SUMF1: variants seen among roughly 807,000 people sequenced by gnomAD.
SUMF1 encodes sulfatase modifying factor 1, also known as formylglycine-generating enzyme.
A neutral mutation model predicts 47.6 loss-of-function variants in SUMF1; 48 were observed. That is an observed-to-expected ratio of 1.01 (90% confidence interval 0.80 to 1.28). SUMF1 has a LOEUF of 1.28. Ranked by LOEUF, SUMF1 falls within the 50% of genes most tolerant of loss-of-function variation. The pLI, the probability that SUMF1 is intolerant of heterozygous loss-of-function variation, is 0.00. For missense variants in SUMF1, 571 were observed against 485.4 expected (o/e 1.18, Z -1.66); for synonymous variants, 230 against 192.1 (o/e 1.20, Z -1.63).
intron 8 of SUMF1, among the ~76,000 whole-genome samples, chr3:4,117,509 T>C (rs1386752514): frequency 6.6e-6 from 1 of 152,090 alleles, no homozygotes; most frequent in Non-Finnish European, 1.5e-5. Flanking sequence ...CTCTTCCTTT[T>C]TCGGAGGGGA....
chr3:4,075,291 G>A (rs112569313), intron 8 of SUMF1, among the ~76,000 whole-genome samples: 1 of 151,936 alleles, frequency 6.6e-6, no homozygotes, highest in East Asian at 1.9e-4. Flanking sequence ...AAATTCAACA[G>A]CCCTTCATGC....
chr3:4,276,435 T>G (rs1697418906), intron 8 of SUMF1, among the ~76,000 whole-genome samples: 1 of 152,200 alleles, frequency 6.6e-6, no homozygotes, highest in Admixed American at 6.5e-5. Context: ...CAGCAGAATA[T>G]TCCAATACTC....
chr3:4,313,459 A>T (rs201713979), intron 8 of SUMF1: 1 of 1,614,034 alleles, frequency 6.2e-7, no homozygotes, highest in South Asian at 1.1e-5. Flanking sequence ...AATTGACTCA[A>T]TGGTACCTAA....
chr3:4,398,428 A>T (rs911872221), intron 7 of SUMF1, among the ~76,000 whole-genome samples: 1 of 152,158 alleles, frequency 6.6e-6, no homozygotes, highest in African/African-American at 2.4e-5. Context: ...ATTTGGTAAC[A>T]AAAAAAGATA....
chr3:4,458,015 A>G (rs1243782848), intron 1 of SUMF1, among the ~76,000 whole-genome samples: 1 of 152,220 alleles, frequency 6.6e-6, no homozygotes, highest in South Asian at 2.1e-4. Context: ...TTCAAAATAT[A>G]TAAGGAATTC....
chr3:4,173,653 G>C (rs1200165233), intron 8 of SUMF1, among the ~76,000 whole-genome samples: 2 of 152,102 alleles, frequency 1.3e-5, no homozygotes, highest in South Asian at 2.1e-4. Flanking sequence ...TGATAGACTG[G>C]ATTAAAAAAA....
At chr3:4,092,180 T>C (rs971586373) in intron 8 of SUMF1, among the ~76,000 whole-genome samples, 16 of 152,034 alleles carry the variant, frequency 1.1e-4, no homozygotes, top group Non-Finnish European at 5.9e-5. Flanking sequence ...ACTATCATAA[T>C]CTCCTCTGAC....
intron 7 of SUMF1, among the ~76,000 whole-genome samples, chr3:4,386,863 G>GT (rs370884434): frequency 0.033 from 4,813 of 146,208 alleles, 113 homozygotes; most frequent in Non-Finnish European, 0.049. Context: ...TAATCATGTG[G>GT]TTTTTTTTTT....
At chr3:4,277,437 C>T (rs1015991917) in intron 8 of SUMF1, among the ~76,000 whole-genome samples, 2 of 151,856 alleles carry the variant, frequency 1.3e-5, no homozygotes, top group Non-Finnish European at 2.9e-5. Flanking sequence ...CAGGACAGTA[C>T]AAGAAAATGA....
chr3:4,183,006 T>A (rs542651116), intron 8 of SUMF1, among the ~76,000 whole-genome samples: 1 of 152,056 alleles, frequency 6.6e-6, no homozygotes, highest in South Asian at 2.1e-4. Flanking sequence ...GGCTTGAGGG[T>A]TTAATGTGTG....
intron 8 of SUMF1, among the ~76,000 whole-genome samples, chr3:4,282,359 T>A (rs1289852206): frequency 1.3e-5 from 2 of 152,224 alleles, no homozygotes; most frequent in Non-Finnish European, 2.9e-5. Flanking sequence ...TTTTGCCTTT[T>A]AAAGGGAAGA....
chr3:4,386,859 T>A (rs116474180), intron 7 of SUMF1, among the ~76,000 whole-genome samples: 4 of 151,604 alleles, frequency 2.6e-5, no homozygotes, highest in African/African-American at 9.7e-5. Flanking sequence ...GATATAATCA[T>A]GTGGTTTTTT....
intron 8 of SUMF1, among the ~76,000 whole-genome samples, chr3:4,148,076 G>C (rs1253998615): frequency 6.6e-6 from 1 of 152,130 alleles, no homozygotes; most frequent in Non-Finnish European, 1.5e-5. Flanking sequence ...TCACAATGTT[G>C]AATATCAGCA....
At chr3:4,460,433 T>C (rs2079779921) in intron 1 of SUMF1, among the ~76,000 whole-genome samples, 1 of 152,048 alleles carries the variant, frequency 6.6e-6, no homozygotes, top group South Asian at 2.1e-4. Flanking sequence ...ATAACATATA[T>C]AAACATCAGA....
At chr3:4,130,239 G>A (rs1232497057) in intron 8 of SUMF1, among the ~76,000 whole-genome samples, 1 of 152,162 alleles carries the variant, frequency 6.6e-6, no homozygotes, top group Non-Finnish European at 1.5e-5. Context: ...TGTACCAGAT[G>A]TGATTTCATT....
At chr3:4,282,774 A>G (rs1697555687) in intron 8 of SUMF1, among the ~76,000 whole-genome samples, 1 of 152,214 alleles carries the variant, frequency 6.6e-6, no homozygotes, top group African/African-American at 2.4e-5. Flanking sequence ...TCCTGCGTCA[A>G]TCACATGTTC....
intron 9 of SUMF1, among the ~76,000 whole-genome samples, chr3:4,035,818 A>G (rs1694782749): frequency 6.6e-6 from 1 of 152,212 alleles, no homozygotes; most frequent in Non-Finnish European, 1.5e-5. Flanking sequence ...TGTCTGGTGC[A>G]TAATGCGGTC....
At chr3:4,411,985 C>G (rs1701558273) in intron 6 of SUMF1, among the ~76,000 whole-genome samples, 1 of 152,140 alleles carries the variant, frequency 6.6e-6, no homozygotes, top group African/African-American at 2.4e-5. Flanking sequence ...GGTTTCACAT[C>G]TACCCATGAA....
intron 8 of SUMF1, among the ~76,000 whole-genome samples, chr3:4,142,247 C>G (rs758937973): frequency 1.3e-5 from 2 of 152,206 alleles, no homozygotes; most frequent in East Asian, 1.9e-4. Context: ...AAAAAAATGG[C>G]ATTATCAGCT....
Sources: allele counts gnomAD v4.1 joint callset (sites outside exome capture counted in the v4.1 genomes callset), GRCh38; gene constraint gnomAD v4.1.1; transcripts MANE v1.5; gene names NCBI Gene and HGNC (gene_info 2026-07-23, HGNC 2026-07-21).